The following WASHC2C variants were observed in gnomAD, a reference collection of about 807,000 sequenced individuals.
WASHC2C encodes WASH complex subunit 2C.
WASHC2C carries 73 observed loss-of-function variants against 142.2 expected under a neutral mutation model. The observed-to-expected ratio is 0.51, with a 90% CI of 0.43 to 0.62. WASHC2C has a LOEUF of 0.62. Ranked by LOEUF, WASHC2C falls within the 20% of genes least tolerant of loss-of-function variation. The pLI, the probability that WASHC2C is intolerant of heterozygous loss-of-function variation, is 0.00. For missense variants in WASHC2C, 969 were observed against 1,531.7 expected, an observed-to-expected ratio of 0.63 and a Z score of 6.13; for synonymous variants, 337 against 565.5, an observed-to-expected ratio of 0.60 and a Z score of 5.73.
At chr10:45,758,146 T>A (rs2054560687) in intron 16 of WASHC2C, among the ~76,000 whole-genome samples, 1 of 152,142 alleles carries the variant, frequency 6.6e-6, no homozygotes, top group African/African-American at 2.4e-5. Flanking sequence ...ATGAATAGAT[T>A]CAGGGTGAGA....
At chr10:45,748,129 G>A (rs572600186) in intron 8 of WASHC2C, among the ~76,000 whole-genome samples, 1 of 129,276 alleles carries the variant, frequency 7.7e-6, no homozygotes, top group East Asian at 2.2e-4. Context: ...ATCAAATGAA[G>A]GATTTTATAC....
chr10:45,760,189 A>G (rs1303252500), intron 17 of WASHC2C, among the ~76,000 whole-genome samples: 13 of 51,046 alleles, frequency 2.5e-4, no homozygotes, highest in African/African-American at 8.2e-4. Flanking sequence ...ACCACCTCTC[A>G]GAATTTCACT....
chr10:45,741,281 A>G (rs138249700), intron 5 of WASHC2C, among the ~76,000 whole-genome samples: 3,878 of 152,150 alleles, frequency 0.025, 70 homozygotes, highest in East Asian at 0.051. Context: ...GTAGCTGCAC[A>G]TTTCTCTTCC....
intron 13 of WASHC2C, 108 bp from the exon 14 acceptor site, chr10:45,754,378 A>C: frequency 6.4e-7 from 1 of 1,573,534 alleles, no homozygotes; most frequent in Non-Finnish European, 8.6e-7. Flanking sequence ...AAGTAGTTTC[A>C]AAAGGTCTGG....
rs1389142717 is a variant in WASHC2C at position 45,789,312 on chromosome 10, G to A, written c.3529G>A (p.Glu1177Lys). The stretch of plus-strand genomic sequence containing the variant: ...GAGCCCCATGTTTCCTGCTCTAGGC[G>A]AGGCCAGCAGTGATGATGATCTCTT... ...AKSPMFPALGEASSDDDLFQS... is the reference protein window; with the variant it reads ...AKSPMFPALGKASSDDDLFQS... The change falls in exon 29 of 31, where the codon GAG becomes AAG. Residue 1177 changes from glutamate to lysine, a missense_variant. Glu to Lys is a moderately conservative substitution (Grantham distance 56). Coordinates refer to ENST00000623400, the MANE Select transcript of WASHC2C (RefSeq NM_001330074.2). 3.6e-5 allele frequency: 58 copies of A among 1,611,948 alleles called. No homozygotes were observed. The highest frequency in any genetic ancestry group is 3.8e-5 in the Non-Finnish European group (45 of 1,179,874).
intron 21 of WASHC2C, among the ~76,000 whole-genome samples, chr10:45,776,651 TAACTG>T (rs1348016752): frequency 3.8e-5 from 4 of 105,764 alleles, no homozygotes; most frequent in East Asian, 2.5e-4. Flanking sequence ...AACTGACACT[TAACTG>T]AAGAGGACAG....
chr10:45,757,993 G>C (rs2054535959), intron 16 of WASHC2C, among the ~76,000 whole-genome samples: 1 of 152,250 alleles, frequency 6.6e-6, no homozygotes, highest in Admixed American at 6.5e-5. Context: ...TCAGGATTCG[G>C]ACAGTGTGTC....
Position 45,743,489 on chromosome 10 carries a change from T to C in WASHC2C, c.622+6T>C, listed in dbSNP as rs1470216027. The C allele has an allele frequency of 1.9e-6, 3 of 1,610,740 alleles. No individual in the cohort carries two copies. In the African/African-American group the frequency reaches 4.0e-5, roughly 22 times the overall value. On this transcript the variant is annotated splice_donor_region_variant and intron_variant, in intron 6 of 30. Transcript: ENST00000623400. ...TGGAGAGCTGTCCAGTGAAGGTACT[T>C]TTCTTCACCAAATAATTTTATTCCT...
intron 17 of WASHC2C, among the ~76,000 whole-genome samples, chr10:45,761,094 G>T (rs147865801): frequency 0.015 from 2,314 of 151,856 alleles, 44 homozygotes; most frequent in African/African-American, 0.052. Flanking sequence ...AGTTCGAGAG[G>T]TTGACTGGGC....
chr10:45,739,646 A>T (rs1487564791), intron 4 of WASHC2C, among the ~76,000 whole-genome samples: 17 of 151,944 alleles, frequency 1.1e-4, no homozygotes, highest in African/African-American at 3.9e-4. Context: ...TAATTGAAAA[A>T]TGAGACCTCT....
intron 20 of WASHC2C, among the ~76,000 whole-genome samples, chr10:45,771,364 C>CAAAAAA (rs58095251): frequency 5.0e-5 from 2 of 40,206 alleles, no homozygotes; most frequent in African/African-American, 7.5e-5. Context: ...GACTCCATCT[C>CAAAAAA]AAAAAAAAAA....
At position 45,743,424 on chromosome 10, in the gene WASHC2C, T is replaced by A; in HGVS notation, c.563T>A (p.Ile188Asn). 6.2e-7 allele frequency: 1 copy of A among 1,611,914 alleles called. No individual in the cohort carries two copies. The highest frequency in any genetic ancestry group is 8.5e-7 in the Non-Finnish European group (1 of 1,179,842). The change falls in exon 6 of 31, where the codon ATT becomes AAT. Residue 188 changes from isoleucine (I) to asparagine (N), a missense_variant. By Grantham distance (149) the Ile-to-Asn change is moderately radical. Transcript: ENST00000623400. ...ATTGATCGTCCTTTACCATATCTCATTGGGTCAAAGCTGTTCATGGAACAA... is the reference window on the plus strand; with the variant it reads ...ATTGATCGTCCTTTACCATATCTCAATGGGTCAAAGCTGTTCATGGAACAA... The part of the protein sequence containing the change: ...LYIDRPLPYL[I>N]GSKLFMEQED...
intron 28 of WASHC2C, among the ~76,000 whole-genome samples, chr10:45,788,398 G>A (rs1480235597): frequency 6.6e-6 from 1 of 152,104 alleles, no homozygotes; most frequent in African/African-American, 2.4e-5. Context: ...TCTCTTTATT[G>A]TGTCATGTTT....
Position 45,788,977 on chromosome 10 carries a change from C to A in WASHC2C, c.3194C>A (p.Pro1065His). Reference sequence around the variant, plus strand: ...GAGGACATGAGCGTCCCCAGAGGACCCATTGCACAGTGGGCTGATGGCGCC... The same window carrying A: ...GAGGACATGAGCGTCCCCAGAGGACACATTGCACAGTGGGCTGATGGCGCC... ...EAEDMSVPRG[P>H]IAQWADGAIS... Residue 1065 changes from proline to histidine, a missense_variant, in exon 29 of 31, where the codon CCC becomes CAC. Coordinates refer to ENST00000623400, the MANE Select transcript of WASHC2C (RefSeq NM_001330074.2). 3 of 1,611,998 alleles carry A rather than the reference C, an allele frequency of 1.9e-6. No individual in the cohort carries two copies. Among genetic ancestry groups the A allele is most frequent in the Non-Finnish European group, 2.5e-6 (3 of 1,179,856 alleles).
intron 19 of WASHC2C, among the ~76,000 whole-genome samples, chr10:45,766,735 CTCAA>C (rs1289762448): frequency 2.0e-5 from 3 of 150,158 alleles, no homozygotes; most frequent in Non-Finnish European, 4.4e-5. Flanking sequence ...TAGTTGCTAA[CTCAA>C]TCAGATTTAG....
rs782337011 is a variant in WASHC2C at position 45,757,145 on chromosome 10, C to G, written c.1548+6C>G. The stretch of plus-strand genomic sequence containing the variant: ...AAGCAAGAGCAGAAAAAAAGGTGAG[C>G]AGGAGGGAAGACTTAACGCAGGAGC... On this transcript the variant is annotated splice_donor_region_variant and intron_variant, in intron 16 of 30. Transcript: ENST00000623400. 9 of 1,609,790 alleles carry G rather than the reference C, an allele frequency of 5.6e-6. No individual in the cohort carries two copies. In the African/African-American group the frequency reaches 1.1e-4, roughly 19 times the overall value.
At chr10:45,749,836 A>AAAAAAAAAAAAT (rs1227809519) in intron 8 of WASHC2C, among the ~76,000 whole-genome samples, 58 of 101,744 alleles carry the variant, frequency 5.7e-4, no homozygotes, top group Non-Finnish European at 8.2e-4. Context: ...AAAAAAAAAA[A>AAAAAAAAAAAAT]ATATATATAT....
chr10:45,785,036 G>T, intron 25 of WASHC2C, 135 bp downstream of exon 25: 5 of 1,591,184 alleles, frequency 3.1e-6, no homozygotes, highest in Non-Finnish European at 4.3e-6. Context: ...CAAATAACAT[G>T]CCGAGGGGAG....
intron 2 of WASHC2C, 101 bp from the exon 3 acceptor site, chr10:45,728,761 C>G (rs2050211354): frequency 7.4e-6 from 10 of 1,344,570 alleles, no homozygotes; most frequent in Non-Finnish European, 1.0e-5. Context: ...CTTTCACATT[C>G]TAACACTCAA....
Sources: gnomAD v4.1 joint callset for allele counts (sites outside exome capture counted in the v4.1 genomes callset) on GRCh38, gnomAD v4.1.1 for gene constraint, MANE v1.5 for transcripts, NCBI Gene and HGNC (gene_info 2026-07-23, HGNC 2026-07-21) for gene names.